Variants in MREG observed in about 807,000 individuals in gnomAD.
MREG encodes melanoregulin.
MREG carries 31 observed loss-of-function variants against 28.5 expected under a neutral mutation model. The ratio of observed to expected loss-of-function variants is 1.09; its 90% CI spans 0.82 to 1.47. MREG has a LOEUF of 1.47. Ranked by LOEUF, MREG falls within the 40% of genes most tolerant of loss-of-function variation. MREG has a pLI of 0.00. For synonymous variants in MREG, 106 were observed against 95.2 expected (o/e 1.11, Z -0.66); for missense variants, 256 against 257.4 (o/e 0.99, Z 0.04).
upstream of MREG, among the ~76,000 whole-genome samples, chr2:216,015,138 C>CATGTGCGCGCAT (rs1553556757): frequency 6.7e-6 from 1 of 148,510 alleles, no homozygotes; most frequent in Non-Finnish European, 1.5e-5. Flanking sequence ...TGCGCGCGTG[C>CATGTGCGCGCAT]GTCTGTGCGT....
In MREG at chr2:215,968,206, G is replaced by C. The variant is rs146848046; in HGVS notation, c.256-21093C>G. Among the ~76,000 whole-genome samples the C allele has an allele frequency of 2.2e-3, 341 of 152,276 alleles. 3 individuals carry two copies. Among genetic ancestry groups the C allele is most frequent in the African/African-American group, 7.9e-3 (329 of 41,564 alleles). ...TTCACAGTAGAGTCAGAAGACAGTAGTAGAGTTAGGCCCAAACCCCAGGAA... is the reference window on the plus strand; with the variant it reads ...TTCACAGTAGAGTCAGAAGACAGTACTAGAGTTAGGCCCAAACCCCAGGAA... On this transcript the variant is annotated intron_variant, in intron 2 of 4. Transcript: ENST00000263268.
chr2:215,944,599 T>A lies in MREG; in HGVS notation c.*264A>T, dbSNP rs1288644736. ...AAGCTGGGGCAATGGGCTCTCAGAA[T>A]GGAACCACCCATTATGAACTATCCA... On this transcript the variant is annotated 3_prime_UTR_variant, in exon 5 of 5. Transcript: ENST00000263268. 3.5e-6 allele frequency: 1 copy of A among 281,886 alleles called. No homozygotes were observed. Among genetic ancestry groups the A allele is most frequent in the East Asian group, 5.9e-5 (1 of 16,996 alleles). The allele number at this position is 281,886 out of a possible 1,614,324, so 17.5% of individuals were successfully genotyped here.
chr2:215,974,313 G>T (rs1266217116), intron 2 of MREG, among the ~76,000 whole-genome samples: 5 of 152,160 alleles, frequency 3.3e-5, no homozygotes, highest in African/African-American at 1.2e-4. Context: ...CAGAACACTG[G>T]ATTTAAGTCT....
At chr2:215,990,482 C>A (rs192637567) in intron 2 of MREG, among the ~76,000 whole-genome samples, 150 of 152,244 alleles carry the variant, frequency 9.9e-4, no homozygotes, top group Non-Finnish European at 1.5e-3. Flanking sequence ...AAGAAACTGC[C>A]TCAACTAACG....
At chr2:216,015,841 A>C (rs1329294675), upstream of MREG, among the ~76,000 whole-genome samples, 4 of 152,180 alleles carry the variant, frequency 2.6e-5, no homozygotes, top group Non-Finnish European at 5.9e-5. Context: ...TGGATTTATA[A>C]ACTTGGAGGC....
rs558898690 is a variant in MREG, at chr2:215,955,832, C to G, written c.256-8719G>C. Among the ~76,000 whole-genome samples the G allele has an allele frequency of 4.6e-5, 7 of 152,296 alleles. No individual in the cohort carries two copies. The East Asian group carries it at 1.2e-3, about 25-fold the overall frequency. On this transcript the variant is annotated intron_variant, in intron 2 of 4. Coordinates refer to ENST00000263268, the MANE Select transcript of MREG (RefSeq NM_018000.3). Reference sequence around the variant, plus strand: ...ATCACCAGCATCTAAGAAATCCTCTCACGTTTGTCTTTCACAGAGAAATGT... The same window carrying G: ...ATCACCAGCATCTAAGAAATCCTCTGACGTTTGTCTTTCACAGAGAAATGT...
chr2:215,973,875 C>T (rs926607440), intron 2 of MREG, among the ~76,000 whole-genome samples: 2 of 152,182 alleles, frequency 1.3e-5, no homozygotes, highest in Non-Finnish European at 2.9e-5. Context: ...AAATGCAACT[C>T]CACAGCCAGG....
downstream of MREG, among the ~76,000 whole-genome samples, chr2:215,941,525 T>C (rs546347710): frequency 3.8e-4 from 58 of 152,300 alleles, no homozygotes; most frequent in African/African-American, 1.3e-3. Context: ...CCTTCCCCAG[T>C]GTACAGTTAT....
chr2:215,979,829 G>T (rs1270795882), intron 2 of MREG, among the ~76,000 whole-genome samples: 1 of 151,858 alleles, frequency 6.6e-6, no homozygotes, highest in East Asian at 1.9e-4. Context: ...GTAGGTCACT[G>T]GAGGCTTGAC....
chr2:216,022,857 G>C (rs1455747476), intron 1 of MREG, among the ~76,000 whole-genome samples: 1 of 152,200 alleles, frequency 6.6e-6, no homozygotes, highest in Non-Finnish European at 1.5e-5. Flanking sequence ...TATATGCAAG[G>C]TGACTCGAAG....
intron 2 of MREG, among the ~76,000 whole-genome samples, chr2:215,972,812 A>G (rs1034241255): frequency 6.6e-6 from 1 of 152,134 alleles, no homozygotes; most frequent in African/African-American, 2.4e-5. Flanking sequence ...AATTCCCTCA[A>G]TTTCACCAAT....
At chr2:216,030,987 C>CAG (rs1694679200) in intron 1 of MREG, among the ~76,000 whole-genome samples, 3 of 151,798 alleles carry the variant, frequency 2.0e-5, no homozygotes, top group African/African-American at 7.3e-5. Context: ...CACACACACA[C>CAG]ACACACACTC....
At chr2:216,016,130 A>G (rs372386675), upstream of MREG, among the ~76,000 whole-genome samples, 33 of 152,300 alleles carry the variant, frequency 2.2e-4, no homozygotes, top group African/African-American at 7.7e-4. Flanking sequence ...TGGACCCATC[A>G]TGAAACATTA....
chr2:215,991,391 A>T (rs370673671), intron 2 of MREG, among the ~76,000 whole-genome samples: 2 of 152,228 alleles, frequency 1.3e-5, no homozygotes, highest in Non-Finnish European at 2.9e-5. Flanking sequence ...CAGCTAAAGC[A>T]GTGTTTAGAG....
upstream of MREG, among the ~76,000 whole-genome samples, chr2:216,015,030 A>G (rs1374713212): frequency 2.0e-5 from 3 of 151,968 alleles, no homozygotes; most frequent in East Asian, 5.8e-4. Flanking sequence ...GTATTATTCA[A>G]TATGTTAGGA....
chr2:215,960,245 G>A (rs1468536218), intron 2 of MREG, among the ~76,000 whole-genome samples: 9 of 152,156 alleles, frequency 5.9e-5, no homozygotes, highest in African/African-American at 2.2e-4. Context: ...GTAAGCCACC[G>A]TGCCCAGCCA....
chr2:216,002,568 C>T (rs1010678391), intron 1 of MREG, among the ~76,000 whole-genome samples: 1 of 152,206 alleles, frequency 6.6e-6, no homozygotes, highest in South Asian at 2.1e-4. Context: ...CAGCAACCAA[C>T]GGTCCAGAAA....
In MREG at chr2:216,000,866, C is replaced by T. The variant is rs372811236; in HGVS notation, c.96-4401G>A. 4.4e-4 allele frequency among the ~76,000 whole-genome samples: 67 copies of T among 152,280 alleles called. No individual in the cohort carries two copies. The South Asian group carries it at 0.011, about 24-fold the overall frequency. On this transcript the variant is annotated intron_variant, in intron 1 of 4. Coordinates refer to ENST00000263268, the MANE Select transcript of MREG (RefSeq NM_018000.3). ...GTACCTGAAAAATCAGTAAAAATAA[C>T]GTTAGACCATGAATAATCTAGCCAC...
intron 2 of MREG, among the ~76,000 whole-genome samples, chr2:215,982,351 A>G (rs1056238668): frequency 2.6e-5 from 4 of 151,998 alleles, no homozygotes; most frequent in Non-Finnish European, 5.9e-5. Context: ...AAAAAAAAGA[A>G]AAGAAAAAAG....
Sources: allele counts gnomAD v4.1 joint callset (sites outside exome capture counted in the v4.1 genomes callset), GRCh38; gene constraint gnomAD v4.1.1; transcripts MANE v1.5; gene names NCBI Gene and HGNC (gene_info 2026-07-23, HGNC 2026-07-21).